Variants in IMMP2L observed in about 807,000 individuals in gnomAD.
IMMP2L encodes mitochondrial inner membrane protease subunit 2.
Under a neutral mutation model 19.3 loss-of-function variants are expected in IMMP2L, and 18 were observed. That is an observed-to-expected ratio of 0.93 (90% CI 0.64 to 1.38). IMMP2L has a LOEUF of 1.38. IMMP2L is among the 40% of genes most tolerant of loss of function. The pLI, the probability that IMMP2L is intolerant of heterozygous loss-of-function variation, is 0.00. For missense variants in IMMP2L, 233 were observed against 218.2 expected (o/e 1.07, Z -0.43); for synonymous variants, 76 against 73.0 (o/e 1.04, Z -0.21).
chr7:111,355,744 A>G (rs928022412), intron 3 of IMMP2L, among the ~76,000 whole-genome samples: 2 of 151,890 alleles, frequency 1.3e-5, no homozygotes, highest in African/African-American at 4.8e-5. Context: ...TGATCCAAAC[A>G]TATTTGAAGC....
intron 3 of IMMP2L, among the ~76,000 whole-genome samples, chr7:111,228,128 T>A (rs560302591): frequency 6.6e-6 from 1 of 152,234 alleles, no homozygotes; most frequent in East Asian, 1.9e-4. Context: ...GCTGTTGAAA[T>A]ACGTTTATGT....
At chr7:111,290,389 C>G (rs1820952793) in intron 3 of IMMP2L, among the ~76,000 whole-genome samples, 1 of 151,840 alleles carries the variant, frequency 6.6e-6, no homozygotes. Flanking sequence ...AATAGACTGC[C>G]TATATACTTG....
intron 3 of IMMP2L, among the ~76,000 whole-genome samples, chr7:111,426,149 C>T (rs745852565): frequency 1.5e-4 from 22 of 150,950 alleles, no homozygotes; most frequent in Non-Finnish European, 2.7e-4. Flanking sequence ...AATACATAAA[C>T]TTTGTTTTAC....
intron 3 of IMMP2L, among the ~76,000 whole-genome samples, chr7:111,452,027 C>T (rs1015312033): frequency 6.6e-6 from 1 of 152,090 alleles, no homozygotes; most frequent in Non-Finnish European, 1.5e-5. Flanking sequence ...TCCCTTCCTA[C>T]TGTCCTTCAG....
chr7:110,845,602 A>G (rs1353089060), intron 5 of IMMP2L, among the ~76,000 whole-genome samples: 1 of 152,046 alleles, frequency 6.6e-6, no homozygotes, highest in Non-Finnish European at 1.5e-5. Flanking sequence ...TTTCCAACTG[A>G]TTCTTCTTAG....
At chr7:111,261,748 T>G (rs1817330934) in intron 3 of IMMP2L, among the ~76,000 whole-genome samples, 1 of 152,104 alleles carries the variant, frequency 6.6e-6, no homozygotes, top group Non-Finnish European at 1.5e-5. Context: ...AGATAGGCCA[T>G]TTCAGGCATA....
At chr7:111,545,375 G>C (rs938576832) in intron 1 of IMMP2L, among the ~76,000 whole-genome samples, 1 of 151,992 alleles carries the variant, frequency 6.6e-6, no homozygotes, top group Non-Finnish European at 1.5e-5. Context: ...TTTTAATCTT[G>C]TTGTTTTTTC....
chr7:111,436,178 T>A (rs1265631204), intron 3 of IMMP2L, among the ~76,000 whole-genome samples: 1 of 151,692 alleles, frequency 6.6e-6, no homozygotes, highest in East Asian at 1.9e-4. Flanking sequence ...CAGGAGAACC[T>A]GTCCAGTAAG....
chr7:111,482,590 C>G (rs986948447), intron 3 of IMMP2L, among the ~76,000 whole-genome samples: 1 of 152,052 alleles, frequency 6.6e-6, no homozygotes, highest in African/African-American at 2.4e-5. Context: ...TTCTAGAATC[C>G]CTGAACCCTT....
chr7:110,950,689 G>C (rs1036361116), intron 4 of IMMP2L, among the ~76,000 whole-genome samples: 1 of 151,218 alleles, frequency 6.6e-6, no homozygotes, highest in Non-Finnish European at 1.5e-5. Flanking sequence ...GACAATGAGG[G>C]GTAGAATGAT....
chr7:110,790,160 C>T (rs944554276), intron 5 of IMMP2L, among the ~76,000 whole-genome samples: 1 of 151,520 alleles, frequency 6.6e-6, no homozygotes, highest in East Asian at 2.0e-4. Flanking sequence ...AAAGGCCATA[C>T]AAGCAGAGGG....
intron 1 of IMMP2L, among the ~76,000 whole-genome samples, chr7:111,539,279 C>T (rs992716284): frequency 3.3e-5 from 5 of 150,848 alleles, no homozygotes; most frequent in East Asian, 1.9e-4. Context: ...AGAGAACATA[C>T]GTCGATTACT....
intron 3 of IMMP2L, among the ~76,000 whole-genome samples, chr7:111,118,895 T>G (rs1000569943): frequency 7.9e-5 from 12 of 152,164 alleles, no homozygotes; most frequent in African/African-American, 2.9e-4. Context: ...GCAAAAGCTT[T>G]CAGAAGAAAT....
chr7:111,115,122 T>C (rs765773957), intron 3 of IMMP2L, among the ~76,000 whole-genome samples: 3 of 152,078 alleles, frequency 2.0e-5, no homozygotes, highest in Non-Finnish European at 2.9e-5. Flanking sequence ...ACCATATAAA[T>C]GCTAAATAAC....
At chr7:110,963,312 A>T (rs1044555734) in intron 4 of IMMP2L, among the ~76,000 whole-genome samples, 188 bp downstream of exon 4, 1 of 151,992 alleles carries the variant, frequency 6.6e-6, no homozygotes, top group African/African-American at 2.4e-5. Flanking sequence ...TAACAATATG[A>T]TCAGTAAGTT....
intron 4 of IMMP2L, among the ~76,000 whole-genome samples, chr7:110,927,811 C>CA (rs1348522469): frequency 6.6e-6 from 1 of 152,038 alleles, no homozygotes; most frequent in Admixed American, 6.6e-5. Flanking sequence ...GTTGCAGCAG[C>CA]AATAGAAAAC....
At chr7:111,082,516 C>T (rs1320018929) in intron 3 of IMMP2L, among the ~76,000 whole-genome samples, 1 of 152,162 alleles carries the variant, frequency 6.6e-6, no homozygotes, top group Admixed American at 6.5e-5. Flanking sequence ...GGTTTGAGCA[C>T]TAGACTTCAA....
At chr7:110,729,361 C>A (rs6466354) in intron 5 of IMMP2L, among the ~76,000 whole-genome samples, 1 of 152,118 alleles carries the variant, frequency 6.6e-6, no homozygotes, top group African/African-American at 2.4e-5. Context: ...AGGAGACAGA[C>A]AGCGCATGGA....
chr7:110,745,734 A>G (rs577246766), intron 5 of IMMP2L, among the ~76,000 whole-genome samples: 58 of 152,342 alleles, frequency 3.8e-4, no homozygotes, highest in African/African-American at 1.3e-3. Context: ...CCTGCCCTAC[A>G]GGAACTCCTC....
Sources: allele counts gnomAD v4.1 joint callset (sites outside exome capture counted in the v4.1 genomes callset), GRCh38; gene constraint gnomAD v4.1.1; transcripts MANE v1.5; gene names NCBI Gene and HGNC (gene_info 2026-07-23, HGNC 2026-07-21).